Variants in NCAM2 observed in about 807,000 individuals in gnomAD.
NCAM2 encodes the protein N-CAM-2.
A neutral mutation model predicts 98.1 loss-of-function variants in NCAM2; 30 were observed. The ratio of observed to expected loss-of-function variants is 0.31; its 90% confidence interval spans 0.23 to 0.41. NCAM2 has a LOEUF of 0.41. Ranked by LOEUF, NCAM2 falls within the 10% of genes least tolerant of loss-of-function variation. The pLI is 1.00. For synonymous variants in NCAM2, 368 were observed against 342.4 expected, an observed-to-expected ratio of 1.07 and a Z score of -0.83; for missense variants, 867 against 1,005.8, an observed-to-expected ratio of 0.86 and a Z score of 1.87.
intron 1 of NCAM2, among the ~76,000 whole-genome samples, chr21:21,268,063 C>G (rs1420706042): frequency 6.6e-6 from 1 of 152,122 alleles, no homozygotes; most frequent in Non-Finnish European, 1.5e-5. Flanking sequence ...TTGTGAATTT[C>G]TGACTCTTTG....
Position 21,146,188 on chromosome 21 carries a change from G to A in NCAM2, c.56-134390G>A, listed in dbSNP as rs531168399. On this transcript the variant is annotated intron_variant, in intron 1 of 17. Coordinates refer to ENST00000400546, the MANE Select transcript of NCAM2 (RefSeq NM_004540.5). ...AAATACTTATAATATTGGTTACTGA[G>A]TAAAATATTTTAAAATATTATAGTT... Among the ~76,000 whole-genome samples, 34 of 152,118 alleles carry A rather than the reference G, an allele frequency of 2.2e-4. No homozygotes were observed. The South Asian group carries it at 6.6e-3, about 30-fold the overall frequency.
intron 8 of NCAM2, among the ~76,000 whole-genome samples, chr21:21,356,061 T>G (rs2075471173): frequency 6.6e-6 from 1 of 152,206 alleles, no homozygotes; most frequent in Non-Finnish European, 1.5e-5. Context: ...GACACAATGA[T>G]CTGAAGAATA....
chr21:21,495,659 C>A (rs1410322540), intron 15 of NCAM2, among the ~76,000 whole-genome samples: 1 of 152,128 alleles, frequency 6.6e-6, no homozygotes, highest in Middle Eastern at 3.4e-3. Context: ...AATTCCAATG[C>A]CCACCAATCA....
intron 9 of NCAM2, among the ~76,000 whole-genome samples, chr21:21,405,842 C>T (rs1031474462): frequency 6.6e-6 from 1 of 152,118 alleles, no homozygotes; most frequent in East Asian, 1.9e-4. Context: ...AAACTACAAT[C>T]TAGGGAATCT....
At chr21:21,111,182 T>C (rs1291692871) in intron 1 of NCAM2, among the ~76,000 whole-genome samples, 2 of 152,192 alleles carry the variant, frequency 1.3e-5, no homozygotes, top group Admixed American at 6.5e-5. Context: ...TCTATATTTC[T>C]AAGAAACTCC....
At chr21:21,065,687 A>C (rs2065421343) in intron 1 of NCAM2, among the ~76,000 whole-genome samples, 1 of 152,162 alleles carries the variant, frequency 6.6e-6, no homozygotes. Flanking sequence ...TTCAATATTC[A>C]TTGTTTAAAA....
At chr21:21,143,409 G>A in intron 1 of NCAM2, among the ~76,000 whole-genome samples, 2 of 151,996 alleles carry the variant, frequency 1.3e-5, no homozygotes, top group East Asian at 3.9e-4. Context: ...GTTTACTTGT[G>A]GTGTCCTTTG....
At chr21:21,503,956 TAA>T (rs1987803793) in intron 15 of NCAM2, among the ~76,000 whole-genome samples, 1 of 152,032 alleles carries the variant, frequency 6.6e-6, no homozygotes, top group Non-Finnish European at 1.5e-5. Context: ...AGCAGAAATA[TAA>T]GTTAGATAAA....
intron 1 of NCAM2, among the ~76,000 whole-genome samples, chr21:21,009,953 T>C (rs1369097670): frequency 6.7e-6 from 1 of 148,928 alleles, no homozygotes; most frequent in East Asian, 2.0e-4. Context: ...TAGGTCCAAC[T>C]TCAGTGATAA....
intron 1 of NCAM2, among the ~76,000 whole-genome samples, chr21:21,158,032 A>T (rs568042911): frequency 6.6e-6 from 1 of 152,194 alleles, no homozygotes; most frequent in Non-Finnish European, 1.5e-5. Flanking sequence ...TTAGCCGTGT[A>T]ATCTTCGGAA....
At position 21,431,319 on chromosome 21, in the gene NCAM2, G is replaced by GGT. The variant is rs199577257; in HGVS notation, c.1481-789_1481-788insGT. Among the ~76,000 whole-genome samples the GGT allele has an allele frequency of 1.1e-3, 140 of 124,426 alleles. 1 individual carries two copies. The Middle Eastern group carries it at 0.015, about 14-fold the overall frequency. 81.6% of individuals were successfully genotyped at this position (124,426 alleles called of 152,430 possible). ...AGAGTTTTCAAAAATCCCTCACTGG[G>GGT]ATTTTTTTTTTTTCTAGTTCTGCGT... On this transcript the variant is annotated intron_variant, in intron 11 of 17. Transcript: ENST00000400546.
At chr21:21,178,323 G>C (rs1367787462) in intron 1 of NCAM2, among the ~76,000 whole-genome samples, 1 of 152,096 alleles carries the variant, frequency 6.6e-6, no homozygotes, top group Non-Finnish European at 1.5e-5. Context: ...ATTTGAGACA[G>C]AGCAATGACT....
At chr21:21,265,503 G>A (rs1320514337) in intron 1 of NCAM2, among the ~76,000 whole-genome samples, 4 of 139,058 alleles carry the variant, frequency 2.9e-5, no homozygotes, top group Admixed American at 1.5e-4. Context: ...TATAATATAT[G>A]TGTGTATATA....
chr21:21,303,991 C>A (rs965036578), intron 5 of NCAM2, among the ~76,000 whole-genome samples: 1 of 151,988 alleles, frequency 6.6e-6, no homozygotes, highest in African/African-American at 2.4e-5. Flanking sequence ...TTACTGAATT[C>A]TTTATGTATT....
intron 1 of NCAM2, among the ~76,000 whole-genome samples, chr21:21,213,589 T>A (rs1244455723): frequency 6.6e-6 from 1 of 152,186 alleles, no homozygotes; most frequent in Non-Finnish European, 1.5e-5. Flanking sequence ...ACAGCGTTTT[T>A]ATGCCTTTTA....
chr21:21,032,651 T>G (rs1465326036), intron 1 of NCAM2, among the ~76,000 whole-genome samples: 1 of 152,198 alleles, frequency 6.6e-6, no homozygotes. Flanking sequence ...AGTTCTTAGT[T>G]TTTTTAAAGA....
chr21:21,056,927 A>T (rs1331286232), intron 1 of NCAM2, among the ~76,000 whole-genome samples: 1 of 151,860 alleles, frequency 6.6e-6, no homozygotes, highest in Non-Finnish European at 1.5e-5. Flanking sequence ...CTCCCCATTT[A>T]TTTATCTGAT....
At chr21:21,002,424 C>T (rs2064035795) in intron 1 of NCAM2, among the ~76,000 whole-genome samples, 1 of 152,132 alleles carries the variant, frequency 6.6e-6, no homozygotes, top group Non-Finnish European at 1.5e-5. Context: ...GAATGGCCTT[C>T]TTTCAAAAAT....
chr21:21,521,282 G>A (rs552525585), intron 16 of NCAM2, among the ~76,000 whole-genome samples: 1 of 152,034 alleles, frequency 6.6e-6, no homozygotes, highest in Non-Finnish European at 1.5e-5. Context: ...CCTAATCATG[G>A]GATGATAGTC....
Sources: gnomAD v4.1 joint callset for allele counts (sites outside exome capture counted in the v4.1 genomes callset) on GRCh38, gnomAD v4.1.1 for gene constraint, MANE v1.5 for transcripts, NCBI Gene and HGNC (gene_info 2026-07-23, HGNC 2026-07-21) for gene names.